The following KIF6 variants were observed in gnomAD, a reference collection of about 807,000 sequenced individuals.
KIF6 encodes the protein kinesin-like protein KIF6.
A neutral mutation model predicts 112.7 loss-of-function variants in KIF6; 106 were observed. The observed-to-expected ratio is 0.94, with a 90% CI of 0.80 to 1.11. KIF6 has a LOEUF of 1.11. Among genes scored for constraint, KIF6 ranks in the 50% least tolerant of loss-of-function variants. The pLI, the probability that KIF6 is intolerant of heterozygous loss-of-function variation, is 0.00. For synonymous variants in KIF6, 339 were observed against 339.9 expected, an observed-to-expected ratio of 1.00 and a Z score of 0.03; for missense variants, 929 against 964.0, an observed-to-expected ratio of 0.96 and a Z score of 0.48.
intron 5 of KIF6, among the ~76,000 whole-genome samples, chr6:39,623,622 T>C (rs1190691523): frequency 1.3e-5 from 2 of 152,218 alleles, no homozygotes; most frequent in East Asian, 3.8e-4. Context: ...AGATAATAGC[T>C]GGCCAGTTGG....
chr6:39,606,269 A>C (rs1315597566), intron 6 of KIF6, among the ~76,000 whole-genome samples: 1 of 151,364 alleles, frequency 6.6e-6, no homozygotes, highest in African/African-American at 2.4e-5. Flanking sequence ...TTTGTCTTGT[A>C]ATCTTTTTCT....
At chr6:39,417,474 G>A (rs927241405) in intron 15 of KIF6, among the ~76,000 whole-genome samples, 2 of 152,174 alleles carry the variant, frequency 1.3e-5, no homozygotes, top group Non-Finnish European at 2.9e-5. Flanking sequence ...TTATTTTCTG[G>A]ATAAAACAAA....
At chr6:39,539,212 T>A (rs1176735864) in intron 13 of KIF6, among the ~76,000 whole-genome samples, 1 of 151,120 alleles carries the variant, frequency 6.6e-6, no homozygotes, top group African/African-American at 2.4e-5. Context: ...AAACTTAAAG[T>A]ATAATAATAA....
chr6:39,469,396 C>A (rs146807583), intron 13 of KIF6, among the ~76,000 whole-genome samples: 39 of 151,812 alleles, frequency 2.6e-4, no homozygotes, highest in Middle Eastern at 3.4e-3. Flanking sequence ...TTAAAAAAAA[C>A]CAAGATTTAA....
At chr6:39,336,933 TTCTTTC>T (rs926248162) in intron 22 of KIF6, among the ~76,000 whole-genome samples, 1 of 124,138 alleles carries the variant, frequency 8.1e-6, no homozygotes, top group African/African-American at 3.7e-5. Flanking sequence ...TTTCTCTTCT[TTCTTTC>T]TTTTTCTTTC....
chr6:39,419,987 C>T lies in KIF6; in HGVS notation c.1771G>A (p.Ala591Thr), dbSNP rs1393380616. The part of the protein sequence containing the change: ...ILKQRFSEAK[A>T]LGESINEARS... ...GCTTCATTTATACTTTCTCCCAGGG[C>T]CTTGGCTTCAGAAAATCTGGAGGGG... The change falls in exon 15 of 23, where the codon GCC becomes ACC. Residue 591 changes from alanine (A) to threonine (T), a missense_variant. Ala to Thr is a moderately conservative substitution (Grantham distance 58). Transcript: ENST00000287152. 38 of 1,613,052 alleles carry T rather than the reference C, an allele frequency of 2.4e-5. No individual in the cohort carries two copies. The highest frequency in any genetic ancestry group is 3.2e-5 in the Non-Finnish European group (38 of 1,179,276).
intron 19 of KIF6, among the ~76,000 whole-genome samples, chr6:39,356,032 T>C (rs1764652337): frequency 6.6e-6 from 1 of 152,030 alleles, no homozygotes; most frequent in Non-Finnish European, 1.5e-5. Context: ...GACGCCACTT[T>C]ACATCTCGGT....
chr6:39,646,909 T>C (rs1395046563), intron 3 of KIF6, among the ~76,000 whole-genome samples: 3 of 152,166 alleles, frequency 2.0e-5, no homozygotes, highest in African/African-American at 7.2e-5. Context: ...GCAGTTAACT[T>C]CTGTCTACTG....
intron 10 of KIF6, among the ~76,000 whole-genome samples, chr6:39,551,092 CT>C (rs1375541195): frequency 6.6e-6 from 1 of 152,162 alleles, no homozygotes; most frequent in African/African-American, 2.4e-5. Context: ...GATTTCCTTT[CT>C]TTTGGATATA....
At chr6:39,590,444 TATATATA>T (rs1298783108) in intron 7 of KIF6, among the ~76,000 whole-genome samples, 1 of 126,870 alleles carries the variant, frequency 7.9e-6, no homozygotes, top group African/African-American at 3.2e-5. Flanking sequence ...TATATATATA[TATATATA>T]TTTTTTTTTT....
intron 3 of KIF6, among the ~76,000 whole-genome samples, chr6:39,689,472 G>C (rs1012672961): frequency 2.0e-5 from 3 of 151,988 alleles, no homozygotes; most frequent in Non-Finnish European, 2.9e-5. Flanking sequence ...ACTCCAGCCT[G>C]GGTGACAGGG....
At chr6:39,711,584 G>A (rs1371480439) in intron 3 of KIF6, among the ~76,000 whole-genome samples, 1 of 152,082 alleles carries the variant, frequency 6.6e-6, no homozygotes, top group Non-Finnish European at 1.5e-5. Context: ...TGTTGCCCAG[G>A]CTGGTCTTGA....
intron 13 of KIF6, among the ~76,000 whole-genome samples, chr6:39,437,308 G>A (rs1456883577): frequency 6.6e-6 from 1 of 152,022 alleles, no homozygotes; most frequent in Non-Finnish European, 1.5e-5. Context: ...TCATATCATT[G>A]GCAAACAGTG....
chr6:39,640,867 A>G (rs1784864300), intron 3 of KIF6, among the ~76,000 whole-genome samples: 1 of 152,186 alleles, frequency 6.6e-6, no homozygotes, highest in African/African-American at 2.4e-5. Flanking sequence ...ACGTCAATGC[A>G]TCTGTTGCTG....
chr6:39,584,640 C>A (rs557653448), intron 9 of KIF6, among the ~76,000 whole-genome samples: 1 of 151,818 alleles, frequency 6.6e-6, no homozygotes, highest in African/African-American at 2.4e-5. Flanking sequence ...AGATTGCCTG[C>A]GTGTGAAGCC....
chr6:39,380,802 C>G lies in KIF6; in HGVS notation c.1861+4820G>C, dbSNP rs568087005. The stretch of plus-strand genomic sequence containing the variant: ...ACACAGTGTTCCCACCACACAGATA[C>G]AGTGGATACAGATCACTTCAAAAGC... On this transcript the variant is annotated intron_variant, in intron 16 of 22. Transcript: ENST00000287152. Among the ~76,000 whole-genome samples, 3 of 152,366 alleles carry G rather than the reference C, an allele frequency of 2.0e-5. No individual in the cohort carries two copies. In the South Asian group the frequency reaches 6.2e-4, roughly 32 times the overall value.
intron 13 of KIF6, among the ~76,000 whole-genome samples, chr6:39,527,958 T>C (rs1383544966): frequency 4.6e-5 from 7 of 152,364 alleles, no homozygotes; most frequent in East Asian, 1.9e-4. Context: ...CAAATACTTA[T>C]CATTTCTTTG....
intron 16 of KIF6, among the ~76,000 whole-genome samples, chr6:39,380,687 T>G (rs1455775865): frequency 6.6e-6 from 1 of 151,152 alleles, no homozygotes; most frequent in Non-Finnish European, 1.5e-5. Context: ...ATTTCCTTGG[T>G]GTAAATATTT....
chr6:39,710,845 G>A (rs1048922672), intron 3 of KIF6, among the ~76,000 whole-genome samples: 13 of 151,976 alleles, frequency 8.6e-5, no homozygotes, highest in African/African-American at 3.1e-4. Context: ...AGACCAGTCT[G>A]AGACCCCATC....
Sources: allele counts gnomAD v4.1 joint callset (sites outside exome capture counted in the v4.1 genomes callset), GRCh38; gene constraint gnomAD v4.1.1; transcripts MANE v1.5; gene names NCBI Gene and HGNC (gene_info 2026-07-23, HGNC 2026-07-21).